The following CCSER1 variants were observed in gnomAD, a reference collection of about 807,000 sequenced individuals.
CCSER1 encodes the protein coiled-coil serine rich protein 1, also known as serine-rich coiled-coil domain-containing protein 1.
In CCSER1, 41 loss-of-function variants were observed where a neutral mutation model predicts 82.0. The observed-to-expected ratio is 0.50, with a 90% CI of 0.39 to 0.65. The LOEUF is 0.65. Ranked by LOEUF, CCSER1 falls within the 30% of genes least tolerant of loss-of-function variation. The pLI is 0.00. For synonymous variants in CCSER1, 414 were observed against 383.9 expected (o/e 1.08, Z -0.92); for missense variants, 1,119 against 1,064.2 (o/e 1.05, Z -0.72).
intron 6 of CCSER1, among the ~76,000 whole-genome samples, chr4:90,651,094 A>T (rs912823033): frequency 6.6e-6 from 1 of 150,738 alleles, no homozygotes; most frequent in African/African-American, 2.4e-5. Context: ...AGATAGAGAG[A>T]AAGAGAAATT....
intron 7 of CCSER1, among the ~76,000 whole-genome samples, chr4:90,790,617 G>A (rs1755102479): frequency 6.6e-6 from 1 of 152,064 alleles, no homozygotes; most frequent in Admixed American, 6.6e-5. Flanking sequence ...TTCTTTTGCT[G>A]TGAGGCAAAT....
chr4:90,391,343 G>A (rs1459148257), intron 3 of CCSER1, among the ~76,000 whole-genome samples: 1 of 142,408 alleles, frequency 7.0e-6, no homozygotes, highest in African/African-American at 2.6e-5. Context: ...AATGATAAAT[G>A]TTTGAGGTGA....
At chr4:90,920,221 A>G (rs1485264939) in intron 8 of CCSER1, among the ~76,000 whole-genome samples, 1 of 149,842 alleles carries the variant, frequency 6.7e-6, no homozygotes, top group African/African-American at 2.5e-5. Flanking sequence ...ATACATATAT[A>G]TCCATTTTTA....
At chr4:90,198,721 A>G (rs990701228) in intron 1 of CCSER1, among the ~76,000 whole-genome samples, 3 of 152,122 alleles carry the variant, frequency 2.0e-5, no homozygotes, top group Admixed American at 1.3e-4. Flanking sequence ...TTTGTAAGAG[A>G]CCTTTCGATG....
intron 3 of CCSER1, among the ~76,000 whole-genome samples, chr4:90,361,605 G>A (rs910515605): frequency 1.3e-5 from 2 of 152,176 alleles, no homozygotes; most frequent in Non-Finnish European, 2.9e-5. Flanking sequence ...TATCACCCAG[G>A]TAGTGAGCAC....
intron 5 of CCSER1, among the ~76,000 whole-genome samples, chr4:90,490,268 G>A (rs1023543984): frequency 3.9e-5 from 6 of 152,246 alleles, no homozygotes; most frequent in Admixed American, 3.9e-4. Flanking sequence ...ATCTCTGATG[G>A]TCGGTGATGA....
intron 4 of CCSER1, among the ~76,000 whole-genome samples, chr4:90,440,627 T>C (rs573926127): frequency 5.8e-4 from 88 of 152,284 alleles, no homozygotes; most frequent in African/African-American, 2.0e-3. Flanking sequence ...AGGGTAGGCT[T>C]TGTGCAGTGC....
intron 9 of CCSER1, among the ~76,000 whole-genome samples, chr4:90,933,016 GAAAGAAAGAA>G (rs1482632844): frequency 1.3e-5 from 1 of 79,868 alleles, no homozygotes; most frequent in African/African-American, 9.0e-5. Flanking sequence ...AAGAAAGAAA[GAAAGAAAGAA>G]AGAAAGAAAG....
chr4:90,839,057 A>T, intron 8 of CCSER1: 2 of 1,610,004 alleles, frequency 1.2e-6, no homozygotes, highest in Non-Finnish European at 1.7e-6. Context: ...GGAAAAGCGG[A>T]GCGAGGCGCG....
chr4:90,397,053 A>T (rs192222800), intron 3 of CCSER1, among the ~76,000 whole-genome samples: 159 of 152,304 alleles, frequency 1.0e-3, no homozygotes, highest in African/African-American at 3.3e-3. Context: ...TTTCTGTAAC[A>T]TATCATGTTG....
At chr4:90,225,430 A>C (rs987712281) in intron 1 of CCSER1, among the ~76,000 whole-genome samples, 5 of 152,072 alleles carry the variant, frequency 3.3e-5, no homozygotes, top group African/African-American at 4.8e-5. Flanking sequence ...AAAATGGAAA[A>C]ACAAGCAACC....
chr4:91,597,826 A>C (rs1212340408), intron 10 of CCSER1, among the ~76,000 whole-genome samples: 1 of 152,100 alleles, frequency 6.6e-6, no homozygotes, highest in Non-Finnish European at 1.5e-5. Context: ...GTTTTTCTAC[A>C]CAAACATAGT....
At chr4:91,064,163 T>C (rs1744174789) in intron 9 of CCSER1, among the ~76,000 whole-genome samples, 1 of 152,170 alleles carries the variant, frequency 6.6e-6, no homozygotes, top group Non-Finnish European at 1.5e-5. Context: ...CTGTGTAACA[T>C]TGGGTTATTC....
intron 10 of CCSER1, among the ~76,000 whole-genome samples, chr4:91,208,416 G>A (rs572931223): frequency 2.6e-5 from 4 of 151,926 alleles, no homozygotes; most frequent in South Asian, 4.2e-4. Context: ...TTGGTGTAAG[G>A]AAGTGGTCCT....
intron 5 of CCSER1, among the ~76,000 whole-genome samples, chr4:90,534,116 T>C (rs1368821418): frequency 2.6e-5 from 4 of 152,174 alleles, no homozygotes; most frequent in Non-Finnish European, 5.9e-5. Context: ...GGAACAGAAA[T>C]ATGTGCCAGC....
intron 10 of CCSER1, among the ~76,000 whole-genome samples, chr4:91,448,167 CT>C (rs1364312219): frequency 2.6e-5 from 4 of 152,024 alleles, no homozygotes; most frequent in Non-Finnish European, 5.9e-5. Flanking sequence ...TCTACCTTTC[CT>C]TTTAGTATTA....
chr4:91,148,198 T>C (rs1286315152), intron 10 of CCSER1, among the ~76,000 whole-genome samples: 2 of 152,160 alleles, frequency 1.3e-5, no homozygotes, highest in Admixed American at 6.5e-5. Context: ...AATTTTTACA[T>C]TAGTGATGGG....
At chr4:90,396,381 G>A (rs1455457878) in intron 3 of CCSER1, among the ~76,000 whole-genome samples, 3 of 151,712 alleles carry the variant, frequency 2.0e-5, no homozygotes, top group Non-Finnish European at 4.4e-5. Flanking sequence ...TACTACTTTT[G>A]GTACTACTGG....
intron 7 of CCSER1, chr4:90,781,701 A>C (rs10440321): frequency 1.0e-6 from 1 of 971,526 alleles, no homozygotes. Flanking sequence ...CAATAAAAAT[A>C]TCTGCAATTT....
Sources: allele counts gnomAD v4.1 joint callset (sites outside exome capture counted in the v4.1 genomes callset), GRCh38; gene constraint gnomAD v4.1.1; transcripts MANE v1.5; gene names NCBI Gene and HGNC (gene_info 2026-07-23, HGNC 2026-07-21).